The following MTRFR variants were observed in gnomAD, a reference collection of about 807,000 sequenced individuals.
The protein encoded by MTRFR is probable peptide chain release factor C12orf65, mitochondrial.
In MTRFR, 10 loss-of-function variants were observed where a neutral mutation model predicts 11.9. The ratio of observed to expected loss-of-function variants is 0.84; its 90% CI spans 0.52 to 1.42. MTRFR has a LOEUF of 1.42. Ranked by LOEUF, MTRFR falls within the 40% of genes most tolerant of loss-of-function variation. The pLI, the probability that MTRFR is intolerant of heterozygous loss-of-function variation, is 0.00. For synonymous variants in MTRFR, 77 were observed against 79.1 expected (o/e 0.97, Z 0.14); for missense variants, 196 against 197.9 (o/e 0.99, Z 0.06).
intron 1 of MTRFR, chr12:123,248,682 A>G (rs1316176771): frequency 6.6e-6 from 1 of 152,144 alleles, no homozygotes; most frequent in African/African-American, 2.4e-5. Flanking sequence ...TACCACAAAG[A>G]CCAAAAGAAC....
chr12:123,250,925 C>T (rs1257965559), intron 1 of MTRFR: 3 of 152,232 alleles, frequency 2.0e-5, no homozygotes, highest in Non-Finnish European at 2.9e-5. Context: ...CTTTGTCTTC[C>T]TGCCAGGGTG....
At chr12:123,253,499 T>TTC in intron 1 of MTRFR, 148 bp from the exon 2 acceptor site, 1 of 738,362 alleles carries the variant, frequency 1.4e-6, no homozygotes, top group Admixed American at 2.2e-5. Flanking sequence ...TCTTGCTGAA[T>TTC]AATGTGTCTC....
intron 1 of MTRFR, among the ~76,000 whole-genome samples, chr12:123,253,122 C>G (rs1371143175): frequency 1.2e-5 from 1 of 86,392 alleles, no homozygotes; most frequent in Non-Finnish European, 2.2e-5. Flanking sequence ...CACTGTCTCG[C>G]TCTGTTGTCC....
At chr12:123,256,430 G>A (rs2048182865) in intron 2 of MTRFR, among the ~76,000 whole-genome samples, 1 of 152,178 alleles carries the variant, frequency 6.6e-6, no homozygotes, top group Non-Finnish European at 1.5e-5. Flanking sequence ...CTGACTCATG[G>A]GGACTCCTGA....
At chr12:123,251,859 C>T (rs555913461) in intron 1 of MTRFR, among the ~76,000 whole-genome samples, 1 of 152,292 alleles carries the variant, frequency 6.6e-6, no homozygotes, top group African/African-American at 2.4e-5. Flanking sequence ...CTGCTATGAT[C>T]CCAGGAGCTC....
In MTRFR at chr12:123,237,590, G is replaced by A. The variant is rs979973553; in HGVS notation, c.-29+4059G>A. On this transcript the variant is annotated intron_variant, in intron 1 of 2. Transcript: ENST00000253233. ...GAGTAGTCTCTTTTTCCTCCCGTCC[G>A]CCAAAATCAAAGACTACAGCTCTGC... Among the ~76,000 whole-genome samples, 6 of 152,182 alleles carry A rather than the reference G, an allele frequency of 3.9e-5. No homozygotes were observed. The South Asian group carries it at 6.2e-4, about 16-fold the overall frequency.
intron 1 of MTRFR, among the ~76,000 whole-genome samples, chr12:123,235,574 G>A (rs924692366): frequency 6.7e-5 from 10 of 150,142 alleles, no homozygotes; most frequent in East Asian, 2.0e-4. Flanking sequence ...GGGTTTCACC[G>A]TGTTAGCCAG....
rs1229348563 is a variant in MTRFR, at chr12:123,253,735, T to C, written c.61T>C (p.Trp21Arg). The C allele has an allele frequency of 2.5e-6, 4 of 1,614,042 alleles. No individual in the cohort carries two copies. The South Asian group carries it at 4.4e-5, about 18-fold the overall frequency. The change falls in exon 2 of 3, where the codon TGG becomes CGG. Residue 21 changes from tryptophan (W) to arginine (R), a missense_variant. By Grantham distance (101) the Trp-to-Arg change is moderately radical (BLOSUM62 -3). Transcript: ENST00000253233. ...TPLTRICPAPWGLRLWEKLTL... is the reference protein window; with the variant it reads ...TPLTRICPAPRGLRLWEKLTL... ...ACTGACCCGAATATGCCCGGCGCCATGGGGACTCCGGCTTTGGGAGAAGCT... is the reference window on the plus strand; with the variant it reads ...ACTGACCCGAATATGCCCGGCGCCACGGGGACTCCGGCTTTGGGAGAAGCT...
At chr12:123,255,825 C>T (rs1488232575) in intron 2 of MTRFR, among the ~76,000 whole-genome samples, 2 of 152,168 alleles carry the variant, frequency 1.3e-5, no homozygotes, top group African/African-American at 2.4e-5. Context: ...CAAGGTTTCA[C>T]CATGTTGGCC....
At chr12:123,256,774 TC>T (rs1437918790) in intron 2 of MTRFR, 38 bp from the exon 3 acceptor site, 22 of 1,507,486 alleles carry the variant, frequency 1.5e-5, no homozygotes, top group Non-Finnish European at 1.9e-5. Context: ...ATTTTTAACA[TC>T]CTGTGGTTTT....
At chr12:123,242,569 A>C (rs990318460) in intron 1 of MTRFR, among the ~76,000 whole-genome samples, 1 of 152,166 alleles carries the variant, frequency 6.6e-6, no homozygotes, top group Non-Finnish European at 1.5e-5. Context: ...GGAGATACTA[A>C]AAGTGTCTAG....
intron 1 of MTRFR, chr12:123,233,802 T>A (rs1055011523): frequency 6.6e-6 from 1 of 152,648 alleles, no homozygotes; most frequent in African/African-American, 2.4e-5. Flanking sequence ...GAGACTACCG[T>A]CCTGGAGATA....
At position 123,253,773 on chromosome 12, in the gene MTRFR, C is replaced by T. The variant is rs2138792659; in HGVS notation, c.99C>T (p.Ser33=). ...LRLWEKLTLL[S]PGIAVTPVQM... ...TTTGGGAGAAGCTGACGTTGTTATC[C>T]CCAGGAATAGCTGTCACTCCGGTCC... is the stretch of plus-strand genomic sequence containing the variant. Residue 33 remains serine (S), a synonymous_variant, in exon 2 of 3, where the codon TCC becomes TCT. Coordinates refer to ENST00000253233, the MANE Select transcript of MTRFR (RefSeq NM_152269.5). 1 of 1,614,144 alleles carries T rather than the reference C, an allele frequency of 6.2e-7. No individual in the cohort carries two copies. The highest frequency in any genetic ancestry group is 8.5e-7 in the Non-Finnish European group (1 of 1,180,034).
intron 1 of MTRFR, chr12:123,248,703 C>T (rs972084537): frequency 3.3e-5 from 5 of 152,194 alleles, no homozygotes; most frequent in African/African-American, 1.2e-4. Context: ...AAAGCTTCCA[C>T]AGTGTGGAAG....
intron 2 of MTRFR, chr12:123,254,264 G>A (rs61953390): frequency 1.1e-5 from 4 of 373,896 alleles, no homozygotes; most frequent in South Asian, 6.3e-5. Flanking sequence ...CGGAAGCAAC[G>A]TCTTGACAAA....
upstream of MTRFR, chr12:123,233,043 C>T (rs1235536175): frequency 1.3e-5 from 2 of 152,304 alleles, no homozygotes; most frequent in Non-Finnish European, 2.9e-5. Flanking sequence ...CCCCAGCGGC[C>T]TACAGCTCCC....
chr12:123,248,300 C>T (rs2048069471), intron 1 of MTRFR: 1 of 152,366 alleles, frequency 6.6e-6, no homozygotes. Context: ...ACCCCAATCC[C>T]TTCTAGCTTG....
intron 1 of MTRFR, among the ~76,000 whole-genome samples, chr12:123,237,254 AC>A (rs1159508349): frequency 6.6e-6 from 1 of 151,520 alleles, no homozygotes; most frequent in Non-Finnish European, 1.5e-5. Flanking sequence ...GTCAGGAGAA[AC>A]CCCCGCCTCT....
At chr12:123,239,712 A>G (rs1277077247) in intron 1 of MTRFR, among the ~76,000 whole-genome samples, 1 of 152,102 alleles carries the variant, frequency 6.6e-6, no homozygotes, top group African/African-American at 2.4e-5. Context: ...CAGTAGCGTT[A>G]GTTTCTATTG....
Sources: gnomAD v4.1 joint callset for allele counts (sites outside exome capture counted in the v4.1 genomes callset) on GRCh38, gnomAD v4.1.1 for gene constraint, MANE v1.5 for transcripts, NCBI Gene and HGNC (gene_info 2026-07-23, HGNC 2026-07-21) for gene names.